The following ART3 variants were observed in gnomAD, a reference collection of about 807,000 sequenced individuals.
The protein encoded by ART3 is ADP-ribosyltransferase 3 (inactive).
ART3 carries 49 observed loss-of-function variants against 48.5 expected under a neutral mutation model. That is an observed-to-expected ratio of 1.01 (90% CI 0.80 to 1.28). ART3 has a LOEUF of 1.28. Ranked by LOEUF, ART3 falls within the 50% of genes most tolerant of loss-of-function variation. ART3 has a pLI of 0.00. For missense variants in ART3, 438 were observed against 454.3 expected (o/e 0.96, Z 0.33); for synonymous variants, 145 against 157.2 (o/e 0.92, Z 0.58).
At chr4:76,106,561 C>T (rs899810644) in intron 10 of ART3, among the ~76,000 whole-genome samples, 1 of 152,140 alleles carries the variant, frequency 6.6e-6, no homozygotes, top group African/African-American at 2.4e-5. Context: ...TGGGAGAGAG[C>T]GTTGTGTGTC....
intron 1 of ART3, chr4:76,011,323 A>AGGGGTTGTG (rs1731767304): frequency 6.6e-6 from 1 of 152,520 alleles, no homozygotes; most frequent in African/African-American, 2.4e-5. Flanking sequence ...GGCAAAAGGT[A>AGGGGTTGTG]GGGGTTGTGC....
intron 2 of ART3, among the ~76,000 whole-genome samples, chr4:76,077,447 C>T (rs1383897103): frequency 6.6e-6 from 1 of 152,122 alleles, no homozygotes; most frequent in East Asian, 1.9e-4. Context: ...CACTTTATGG[C>T]TATTACGAAT....
At chr4:76,075,843 T>G (rs757410645) in intron 1 of ART3, 38 bp from the exon 2 acceptor site, 5 of 1,523,526 alleles carry the variant, frequency 3.3e-6, no homozygotes, top group Admixed American at 3.5e-5. Flanking sequence ...ACCTCTTTTT[T>G]GAGTCTACTG....
intron 1 of ART3, among the ~76,000 whole-genome samples, chr4:76,049,677 G>A (rs969959672): frequency 1.3e-5 from 2 of 151,914 alleles, no homozygotes; most frequent in East Asian, 1.9e-4. Flanking sequence ...AATAGCAAGC[G>A]AAAGGGGTCT....
At chr4:76,041,285 C>T (rs1026957026) in intron 1 of ART3, 1 of 152,212 alleles carries the variant, frequency 6.6e-6, no homozygotes, top group Non-Finnish European at 1.5e-5. Flanking sequence ...CCTTCTTTCA[C>T]AGCATCCCCT....
intron 1 of ART3, among the ~76,000 whole-genome samples, chr4:76,062,908 C>G (rs1362583146): frequency 1.3e-5 from 2 of 151,904 alleles, no homozygotes; most frequent in African/African-American, 4.8e-5. Flanking sequence ...GGCTAGTGGC[C>G]ATTGAACAAT....
At chr4:76,082,727 T>TAA (rs112194262) in intron 3 of ART3, among the ~76,000 whole-genome samples, 192 bp downstream of exon 3, 8 of 152,008 alleles carry the variant, frequency 5.3e-5, no homozygotes, top group African/African-American at 1.9e-4. Context: ...TATTAAAAGT[T>TAA]AAAAAAAATT....
intron 1 of ART3, chr4:76,034,923 T>G: frequency 7.4e-7 from 1 of 1,354,944 alleles, no homozygotes; most frequent in Non-Finnish European, 1.0e-6. Flanking sequence ...CAAGGACCCC[T>G]TAACAGAATA....
In ART3 at chr4:76,096,070, G is replaced by A. The variant is rs1303514351; in HGVS notation, c.782-1574G>A. On this transcript the variant is annotated intron_variant, in intron 3 of 11. Transcript: ENST00000355810. ...CCCGACTAGCTGGGATTATAGGCAC[G>A]CACCATCACGCTGGACTAATTTTTG... Among the ~76,000 whole-genome samples, 3 of 152,016 alleles carry A rather than the reference G, an allele frequency of 2.0e-5. No homozygotes were observed. In the East Asian group the frequency reaches 5.8e-4, roughly 29 times the overall value.
chr4:76,062,905 G>A (rs1412993953), intron 1 of ART3, among the ~76,000 whole-genome samples: 1 of 151,692 alleles, frequency 6.6e-6, no homozygotes, highest in South Asian at 2.1e-4. Context: ...GGTGGCTAGT[G>A]GCCATTGAAC....
At chr4:76,024,366 A>T (rs1423310090) in intron 1 of ART3, among the ~76,000 whole-genome samples, 2 of 152,142 alleles carry the variant, frequency 1.3e-5, no homozygotes, top group African/African-American at 2.4e-5. Flanking sequence ...TTGATTTACG[A>T]TGGGGTTCAG....
intron 10 of ART3, chr4:76,107,449 T>C (rs1276095356): frequency 1.6e-5 from 3 of 191,652 alleles, no homozygotes; most frequent in African/African-American, 7.0e-5. Flanking sequence ...GCATGGCACA[T>C]AGTGAACACT....
chr4:76,082,435 G>C lies in ART3; in HGVS notation c.681G>C (p.Leu227=). ...GTGAAAGAATTACTTTAATACCTCTGAATGAGGTTTTTCAAGTGTCACAGG... is the reference window on the plus strand; with the variant it reads ...GTGAAAGAATTACTTTAATACCTCTCAATGAGGTTTTTCAAGTGTCACAGG... ...KESERITLIP[L]NEVFQVSQEG... The change falls in exon 3 of 12, where the codon CTG becomes CTC. Residue 227 remains leucine, a synonymous_variant. Transcript: ENST00000355810. 1 of 1,613,742 alleles carries C rather than the reference G, an allele frequency of 6.2e-7. No homozygotes were observed. Among genetic ancestry groups the C allele is most frequent in the Non-Finnish European group, 8.5e-7 (1 of 1,180,004 alleles).
chr4:76,108,014 T>C (rs1185655952), intron 11 of ART3, among the ~76,000 whole-genome samples: 1 of 151,814 alleles, frequency 6.6e-6, no homozygotes, highest in Non-Finnish European at 1.5e-5. Context: ...GTATCTAGAG[T>C]TTCTACTCTT....
chr4:76,035,859 T>G lies in ART3; in HGVS notation c.-10+24539T>G, dbSNP rs1278835344. 8 of 1,372,340 alleles carry G rather than the reference T, an allele frequency of 5.8e-6. No individual in the cohort carries two copies. In the East Asian group the frequency reaches 1.8e-4, roughly 31 times the overall value. 85.0% of individuals were successfully genotyped at this position (1,372,340 alleles called of 1,614,324 possible). A position where few individuals can be genotyped will look rare whatever the true frequency, so the allele number is the denominator to read the frequency against. On this transcript the variant is annotated intron_variant, in intron 1 of 9. Coordinates refer to the ART3 transcript ENST00000341029. ...TTTATCATGTCTTTTAGGATAAAAG[T>G]GGAAGAAAAGACATTTGAAACATTA...
At chr4:76,012,532 T>C (rs1731901400) in intron 1 of ART3, among the ~76,000 whole-genome samples, 2 of 152,210 alleles carry the variant, frequency 1.3e-5, no homozygotes, top group Admixed American at 6.5e-5. Flanking sequence ...AGGTTTTATA[T>C]CCTGTCTGCA....
intron 1 of ART3, among the ~76,000 whole-genome samples, chr4:76,020,625 G>C (rs1052771453): frequency 6.6e-6 from 1 of 152,160 alleles, no homozygotes; most frequent in African/African-American, 2.4e-5. Context: ...TCAGGGAGAG[G>C]AGAATTAGTT....
chr4:76,107,802 T>C lies in ART3; in HGVS notation c.1036+9T>C. 2 of 1,469,596 alleles carry C rather than the reference T, an allele frequency of 1.4e-6. No individual in the cohort carries two copies. The highest frequency in any genetic ancestry group is 1.8e-6 in the Non-Finnish European group (2 of 1,085,620). The allele number at this position is 1,469,596 out of a possible 1,614,324, so 91.0% of individuals were successfully genotyped here. On this transcript the variant is annotated intron_variant, in intron 11 of 11. Transcript: ENST00000355810. ...AAATATCAACAATCCTAGTAAGAAG[T>C]ATCTCATTTCCTCAGTTGATAAATG... is the stretch of plus-strand genomic sequence containing the variant.
In ART3 at chr4:76,034,542, C is replaced by T. The variant is rs577743253; in HGVS notation, c.-10+23222C>T. ...TCTTAAGGTAGCTTTTCCTAGAAAT[C>T]CATTTAATTGTTGGACTCCTTTGGG... On this transcript the variant is annotated intron_variant, in intron 1 of 9. Coordinates refer to the ART3 transcript ENST00000341029. 16 of 518,134 alleles carry T rather than the reference C, an allele frequency of 3.1e-5. No homozygotes were observed. In the South Asian group the frequency reaches 4.9e-4, roughly 16 times the overall value. The allele number at this position is 518,134 out of a possible 1,614,324, so 32.1% of individuals were successfully genotyped here. A position where few individuals can be genotyped will look rare whatever the true frequency, so the allele number is the denominator to read the frequency against.
Sources: gnomAD v4.1 joint callset for allele counts (sites outside exome capture counted in the v4.1 genomes callset) on GRCh38, gnomAD v4.1.1 for gene constraint, MANE v1.5 for transcripts, NCBI Gene and HGNC (gene_info 2026-07-23, HGNC 2026-07-21) for gene names.